HOMER1: variants seen among roughly 807,000 people sequenced by gnomAD.
HOMER1 encodes the protein homer protein homolog 1.
Under a neutral mutation model 48.9 loss-of-function variants are expected in HOMER1, and 3 were observed. The observed-to-expected ratio is 0.06, with a 90% CI of 0.03 to 0.16. The LOEUF is 0.16. Ranked by LOEUF, HOMER1 falls within the 10% of genes least tolerant of loss-of-function variation. HOMER1 has a pLI of 1.00. For missense variants in HOMER1, 247 were observed against 411.4 expected, an observed-to-expected ratio of 0.60 and a Z score of 3.46; for synonymous variants, 134 against 146.4, an observed-to-expected ratio of 0.92 and a Z score of 0.61.
At position 79,506,431 on chromosome 5, in the gene HOMER1, G is replaced by A. The variant is rs1282970327; in HGVS notation, c.5+6339C>T. The stretch of plus-strand genomic sequence containing the variant: ...GTTACACTCAGGACAGACGGAAAAA[G>A]GAGTATCAAAAGGTATGAAATGCTA... On this transcript the variant is annotated intron_variant, in intron 1 of 8. Transcript: ENST00000334082. Among the ~76,000 whole-genome samples, 3 of 152,084 alleles carry A rather than the reference G, an allele frequency of 2.0e-5. No individual in the cohort carries two copies. In the East Asian group the frequency reaches 5.8e-4, roughly 29 times the overall value.
intron 1 of HOMER1, among the ~76,000 whole-genome samples, chr5:79,459,752 T>C (rs898008947): frequency 6.6e-6 from 1 of 152,234 alleles, no homozygotes; most frequent in South Asian, 2.1e-4. Context: ...TGCTCTTCAC[T>C]ACGATAGATT....
chr5:79,387,485 A>G (rs1282517501), intron 8 of HOMER1, among the ~76,000 whole-genome samples: 1 of 152,150 alleles, frequency 6.6e-6, no homozygotes, highest in East Asian at 1.9e-4. Context: ...AAAAATTGAC[A>G]TCTGATATAC....
intron 1 of HOMER1, among the ~76,000 whole-genome samples, chr5:79,480,187 AAAC>A (rs1389899825): frequency 1.3e-5 from 2 of 152,222 alleles, no homozygotes; most frequent in African/African-American, 2.4e-5. Flanking sequence ...AAAAAGAATA[AAAC>A]AACAACAGAA....
In HOMER1 at chr5:79,415,395, C is replaced by T. The variant is rs181594251; in HGVS notation, c.528-13340G>A. 1.4e-4 allele frequency among the ~76,000 whole-genome samples: 22 copies of T among 151,800 alleles called. 1 individual carries two copies. The highest frequency in any genetic ancestry group is 1.4e-3 in the Admixed American group (21 of 15,264). ...TGTATCACCAATGTTACTGATAGCA[C>T]AAAAAAATGATATCGAGGTGAAAAA... On this transcript the variant is annotated intron_variant, in intron 5 of 8. Coordinates refer to ENST00000334082, the MANE Select transcript of HOMER1 (RefSeq NM_004272.5).
At chr5:79,387,009 TC>T (rs1357733794) in intron 8 of HOMER1, among the ~76,000 whole-genome samples, 5 of 108,924 alleles carry the variant, frequency 4.6e-5, no homozygotes, top group African/African-American at 1.8e-4. Context: ...CCCTCCCCCT[TC>T]CCCCTCTTCC....
chr5:79,377,245 C>T (rs1470908855), intron 8 of HOMER1, among the ~76,000 whole-genome samples: 2 of 152,096 alleles, frequency 1.3e-5, no homozygotes, highest in South Asian at 2.1e-4. Flanking sequence ...GGATTACAGG[C>T]GTGAGCCACC....
chr5:79,413,241 T>A (rs1749853697), intron 5 of HOMER1, among the ~76,000 whole-genome samples: 1 of 151,932 alleles, frequency 6.6e-6, no homozygotes, highest in Admixed American at 6.6e-5. Context: ...AAGGAAATAA[T>A]CACAGGAAAC....
chr5:79,397,816 A>T, intron 6 of HOMER1, 179 bp from the exon 7 acceptor site: 1 of 413,302 alleles, frequency 2.4e-6, no homozygotes, highest in Non-Finnish European at 4.2e-6. Flanking sequence ...TAAAACTAGG[A>T]AAAGGGAAAA....
At position 79,512,820 on chromosome 5, in the gene HOMER1, G is replaced by A. The variant is rs1300375263; in HGVS notation, c.-46C>T. ...TCTGAAGTTTCAGCTCTTATGCTAC[G>A]GAATAACTTCCAAAGGAATTTCTCC... is the stretch of plus-strand genomic sequence containing the variant. On this transcript the variant is annotated 5_prime_UTR_variant, in exon 1 of 9. Transcript: ENST00000334082. 11 of 1,604,306 alleles carry A rather than the reference G, an allele frequency of 6.9e-6. No individual in the cohort carries two copies. Among genetic ancestry groups the A allele is most frequent in the Non-Finnish European group, 8.5e-6 (10 of 1,171,766 alleles).
intron 8 of HOMER1, among the ~76,000 whole-genome samples, chr5:79,387,179 G>A (rs754783568): frequency 6.6e-6 from 1 of 151,368 alleles, no homozygotes; most frequent in African/African-American, 2.4e-5. Flanking sequence ...TCACCCAGAC[G>A]TGCAGTGGTG....
chr5:79,414,796 C>T (rs1322514003), intron 5 of HOMER1, among the ~76,000 whole-genome samples: 1 of 152,114 alleles, frequency 6.6e-6, no homozygotes, highest in East Asian at 1.9e-4. Flanking sequence ...CCATCTCAGA[C>T]TCCTTCTCTG....
At chr5:79,428,105 C>T (rs1432953689) in intron 5 of HOMER1, among the ~76,000 whole-genome samples, 1 of 152,042 alleles carries the variant, frequency 6.6e-6, no homozygotes, top group Non-Finnish European at 1.5e-5. Context: ...GTTCATTTTT[C>T]CTTTAAAATA....
chr5:79,410,469 A>T (rs987376000), intron 5 of HOMER1, among the ~76,000 whole-genome samples: 5 of 150,652 alleles, frequency 3.3e-5, no homozygotes, highest in Admixed American at 1.3e-4. Context: ...AGCCTGGGTA[A>T]CAAGAGTGAA....
At chr5:79,387,330 T>C (rs769858563) in intron 8 of HOMER1, among the ~76,000 whole-genome samples, 19 of 152,082 alleles carry the variant, frequency 1.2e-4, no homozygotes, top group Non-Finnish European at 2.4e-4. Flanking sequence ...GGTCCTACTA[T>C]GTTGCCCAGG....
chr5:79,439,079 G>A lies in HOMER1; in HGVS notation c.458C>T (p.Thr153Ile), dbSNP rs758223228. Reference protein sequence around the residue: ...ESINGTDDERTPDVTQNSEPR... With the variant: ...ESINGTDDERIPDVTQNSEPR... ...CTCTGAGTTCTGTGTCACATCAGGTGTTCTTTCATCATCTGTCCCGTTGAT... is the reference window on the plus strand; with the variant it reads ...CTCTGAGTTCTGTGTCACATCAGGTATTCTTTCATCATCTGTCCCGTTGAT... The change falls in exon 5 of 9, where the codon ACA becomes ATA. Residue 153 changes from threonine to isoleucine, a missense_variant. This residue lies in a region of HOMER1 where 94 missense variants were observed against 112.4 expected (regional missense o/e 0.84). Transcript: ENST00000334082. 3 of 1,613,640 alleles carry A rather than the reference G, an allele frequency of 1.9e-6. No homozygotes were observed. Among genetic ancestry groups the A allele is most frequent in the South Asian group, 1.1e-5 (1 of 91,070 alleles).
chr5:79,447,160 A>G lies in HOMER1; in HGVS notation c.295-15T>C. 1.3e-6 allele frequency: 2 copies of G among 1,488,296 alleles called. No individual in the cohort carries two copies. The highest frequency in any genetic ancestry group is 1.9e-6 in the Non-Finnish European group (2 of 1,066,790). 92.2% of individuals were successfully genotyped at this position (1,488,296 alleles called of 1,614,324 possible). ...TTTTCTGCAAACTGAATGTATAGAG[A>G]CTACATACATTAACCAAATAAAAAT... On this transcript the variant is annotated splice_polypyrimidine_tract_variant and intron_variant, in intron 3 of 8. Transcript: ENST00000334082.
intron 5 of HOMER1, among the ~76,000 whole-genome samples, chr5:79,428,371 T>C (rs1237233415): frequency 6.6e-6 from 1 of 152,168 alleles, no homozygotes; most frequent in Non-Finnish European, 1.5e-5. Context: ...GCTTTCCTTC[T>C]ATCAGGAACA....
At chr5:79,507,252 A>C (rs1243896573) in intron 1 of HOMER1, among the ~76,000 whole-genome samples, 1 of 151,430 alleles carries the variant, frequency 6.6e-6, no homozygotes. Context: ...CAAAAAAAAA[A>C]CAGTTTTACC....
At chr5:79,378,222 C>CAAAAAAAAAAAAAAAAA (rs58802660) in intron 8 of HOMER1, among the ~76,000 whole-genome samples, 5 of 85,580 alleles carry the variant, frequency 5.8e-5, no homozygotes, top group African/African-American at 1.9e-4. Flanking sequence ...GACTCTGTCT[C>CAAAAAAAAAAAAAAAAA]AAAAAAAAAA....
Sources: gnomAD v4.1 joint callset for allele counts (sites outside exome capture counted in the v4.1 genomes callset) on GRCh38, gnomAD v4.1.1 for gene constraint, gnomAD v4.1.1 regional missense constraint, MANE v1.5 for transcripts, NCBI Gene and HGNC (gene_info 2026-07-23, HGNC 2026-07-21) for gene names.